Variants in ZNF675 observed in about 807,000 individuals in gnomAD.
The protein encoded by ZNF675 is TRAF6 inhibitory zinc finger.
In ZNF675, 36 loss-of-function variants were observed where a neutral mutation model predicts 56.1. The ratio of observed to expected loss-of-function variants is 0.64; its 90% CI spans 0.49 to 0.85. The LOEUF is 0.85. Among genes scored for constraint, ZNF675 ranks in the 40% least tolerant of loss-of-function variants. ZNF675 has a pLI of 0.00. For missense variants in ZNF675, 663 were observed against 654.2 expected (o/e 1.01, Z -0.15); for synonymous variants, 200 against 218.9 (o/e 0.91, Z 0.76).
intron 1 of ZNF675, among the ~76,000 whole-genome samples, chr19:23,670,540 G>A (rs927977931): frequency 2.0e-5 from 3 of 152,058 alleles, no homozygotes; most frequent in South Asian, 4.2e-4. Context: ...CTTGCCAAGC[G>A]ACCCCTTGCC....
chr19:23,673,855 A>G (rs1258770522), intron 1 of ZNF675, among the ~76,000 whole-genome samples: 1 of 151,926 alleles, frequency 6.6e-6, no homozygotes, highest in East Asian at 1.9e-4. Flanking sequence ...AATAATAATA[A>G]TAGAAGAAAA....
At chr19:23,665,104 G>A (rs992717840) in intron 1 of ZNF675, among the ~76,000 whole-genome samples, 22 of 152,060 alleles carry the variant, frequency 1.4e-4, no homozygotes, top group African/African-American at 5.3e-4. Context: ...CAGCACTTTG[G>A]GAGGCCAAGA....
At chr19:23,659,574 CAG>C (rs1013982783) in intron 3 of ZNF675, among the ~76,000 whole-genome samples, 17 of 152,186 alleles carry the variant, frequency 1.1e-4, no homozygotes, top group Admixed American at 2.6e-4. Context: ...CTTTGAGATC[CAG>C]AGAGAGAGGG....
intron 1 of ZNF675, among the ~76,000 whole-genome samples, chr19:23,669,189 CT>C (rs1968196547): frequency 6.6e-6 from 1 of 152,234 alleles, no homozygotes; most frequent in African/African-American, 2.4e-5. Context: ...CTGATGTTCT[CT>C]GAAGGCCAAT....
intron 1 of ZNF675, among the ~76,000 whole-genome samples, chr19:23,681,582 A>C (rs1216833398): frequency 3.3e-5 from 5 of 151,668 alleles, no homozygotes; most frequent in Admixed American, 3.3e-4. Context: ...CTGAACACCA[A>C]GCAATCCTCC....
intron 1 of ZNF675, 34 bp downstream of exon 1, chr19:23,686,997 C>A: frequency 1.2e-6 from 2 of 1,613,534 alleles, no homozygotes; most frequent in Non-Finnish European, 8.5e-7. Context: ...CCAGCCCCTT[C>A]CCCCTCTCGG....
rs1181585720 is a variant in ZNF675 at position 23,654,673 on chromosome 19, G to A, written c.260C>T (p.Pro87Leu). The change falls in exon 4 of 4, where the codon CCA (proline) becomes CTA (leucine). Residue 87 changes from proline (P) to leucine (L), a missense_variant. Pro to Leu is a moderately conservative substitution (Grantham distance 98, BLOSUM62 -3). Transcript: ENST00000359788. ...AAAAGAATCTTTTATGTTCTGCTCT[G>A]GCCAAAACTCTTGGGCAAAATGAGA... is the stretch of plus-strand genomic sequence containing the variant. ...MCSHFAQEFW[P>L]EQNIKDSFEK... 2 of 1,552,558 alleles carry A rather than the reference G, an allele frequency of 1.3e-6. No individual in the cohort carries two copies. The highest frequency in any genetic ancestry group is 1.4e-5 in the African/African-American group (1 of 72,414).
intron 1 of ZNF675, among the ~76,000 whole-genome samples, chr19:23,679,439 A>AGAT (rs1968346634): frequency 6.6e-6 from 1 of 151,614 alleles, no homozygotes; most frequent in Admixed American, 6.6e-5. Flanking sequence ...AAACTCTGGA[A>AGAT]GATAACCTAG....
At chr19:23,682,711 T>A (rs543138067) in intron 1 of ZNF675, among the ~76,000 whole-genome samples, 1 of 151,736 alleles carries the variant, frequency 6.6e-6, no homozygotes, top group Admixed American at 6.6e-5. Flanking sequence ...TTAATTTTCA[T>A]GTCTGAGTTA....
At chr19:23,659,654 G>A (rs1968049867) in intron 3 of ZNF675, among the ~76,000 whole-genome samples, 1 of 152,236 alleles carries the variant, frequency 6.6e-6, no homozygotes, top group African/African-American at 2.4e-5. Context: ...CCTCATTCAG[G>A]TGCAAACTAC....
At chr19:23,684,274 A>C (rs61136018) in intron 1 of ZNF675, among the ~76,000 whole-genome samples, 1 of 151,432 alleles carries the variant, frequency 6.6e-6, no homozygotes, top group African/African-American at 2.4e-5. Context: ...AAAAAAAAAA[A>C]AAAAAAAACT....
At chr19:23,676,657 CT>C (rs768739008) in intron 1 of ZNF675, among the ~76,000 whole-genome samples, 2 of 151,852 alleles carry the variant, frequency 1.3e-5, no homozygotes, top group Non-Finnish European at 2.9e-5. Flanking sequence ...ATTTAACATC[CT>C]TCATGTTATA....
At chr19:23,679,316 G>A (rs1330475477) in intron 1 of ZNF675, among the ~76,000 whole-genome samples, 1 of 151,666 alleles carries the variant, frequency 6.6e-6, no homozygotes, top group East Asian at 1.9e-4. Flanking sequence ...AAATGGTGCA[G>A]TAATAACTAT....
At chr19:23,686,944 G>T in intron 1 of ZNF675, 87 bp downstream of exon 1, 2 of 1,508,882 alleles carry the variant, frequency 1.3e-6, no homozygotes, top group Non-Finnish European at 1.8e-6. Context: ...GCTGACTGCG[G>T]GGAGGCCTGA....
intron 2 of ZNF675, among the ~76,000 whole-genome samples, chr19:23,662,632 T>C (rs1164954608): frequency 6.6e-6 from 1 of 152,198 alleles, no homozygotes; most frequent in African/African-American, 2.4e-5. Context: ...AAAGCATACA[T>C]TACCAAAATA....
chr19:23,680,058 C>CA (rs1051102990), intron 1 of ZNF675, among the ~76,000 whole-genome samples: 23 of 151,564 alleles, frequency 1.5e-4, no homozygotes, highest in Admixed American at 1.5e-3. Context: ...CCTGTAATCC[C>CA]AGCACTTTGG....
chr19:23,672,056 G>A (rs1333550442), intron 1 of ZNF675, among the ~76,000 whole-genome samples: 1 of 151,954 alleles, frequency 6.6e-6, no homozygotes, highest in Non-Finnish European at 1.5e-5. Context: ...CAGTGCCCCT[G>A]AGCTGGTGGC....
rs1036566491 is a variant in ZNF675 at position 23,687,171 on chromosome 19, G to C, written c.-138C>G. 1.3e-5 allele frequency: 14 copies of C among 1,074,624 alleles called. 1 individual carries two copies. The highest frequency in any genetic ancestry group is 8.4e-5 in the Admixed American group (4 of 47,858). 66.6% of individuals were successfully genotyped at this position (1,074,624 alleles called of 1,614,324 possible). A position where few individuals can be genotyped will look rare whatever the true frequency, so the allele number is the denominator to read the frequency against. The stretch of plus-strand genomic sequence containing the variant: ...CGAGACCTGGAGCTCCGGCTGCAGC[G>C]AGAGACAAAGGCGCCGCCAAATCCC... On this transcript the variant is annotated 5_prime_UTR_variant, in exon 1 of 4. Transcript: ENST00000359788.
At chr19:23,671,332 C>G (rs1049486940) in intron 1 of ZNF675, among the ~76,000 whole-genome samples, 2 of 152,040 alleles carry the variant, frequency 1.3e-5, no homozygotes, top group Non-Finnish European at 2.9e-5. Flanking sequence ...AAAAAGGAAA[C>G]AGAGTGAAGA....
Sources: gnomAD v4.1 joint callset for allele counts (sites outside exome capture counted in the v4.1 genomes callset) on GRCh38, gnomAD v4.1.1 for gene constraint, MANE v1.5 for transcripts, NCBI Gene and HGNC (gene_info 2026-07-23, HGNC 2026-07-21) for gene names.